Variants in CLU observed in about 807,000 individuals in gnomAD.
CLU encodes the protein aging-associated protein 4.
In CLU, 25 loss-of-function variants were observed where a neutral mutation model predicts 46.4. The ratio of observed to expected loss-of-function variants is 0.54; its 90% confidence interval spans 0.39 to 0.75. The LOEUF (loss-of-function observed/expected upper bound fraction) is 0.75, where lower values mean the gene tolerates loss of function less well. Ranked by LOEUF, CLU falls within the 30% of genes least tolerant of loss-of-function variation. The pLI, the probability that CLU is intolerant of heterozygous loss-of-function variation, is 0.00. For missense variants in CLU, 504 were observed against 592.1 expected, an observed-to-expected ratio of 0.85 and a Z score of 1.54; for synonymous variants, 235 against 235.1, an observed-to-expected ratio of 1.00 and a Z score of 0.00.
intron 8 of CLU, 99 bp from the exon 9 acceptor site, chr8:27,598,349 C>T (rs910162613): frequency 3.8e-5 from 61 of 1,593,044 alleles, no homozygotes; most frequent in Non-Finnish European, 4.8e-5. Context: ...GCTCTGGCTC[C>T]GGGCGGAGTC....
rs1376680282 is a variant in CLU at position 27,600,049 on chromosome 8, G to A, written c.935-40C>T. 14 of 1,491,836 alleles carry A rather than the reference G, an allele frequency of 9.4e-6. No individual in the cohort carries two copies. In the Admixed American group the frequency reaches 2.3e-4, roughly 25 times the overall value. The allele number at this position is 1,491,836 out of a possible 1,614,324, so 92.4% of individuals were successfully genotyped here. ...AAGAAACGCAAGTGAGAAGTGTGAA[G>A]GGAAGGCTACAAAGGGATAGAACCA... On this transcript the variant is annotated intron_variant, in intron 6 of 8. Transcript: ENST00000316403.
At chr8:27,601,111 C>T (rs940957219) in intron 6 of CLU, among the ~76,000 whole-genome samples, 4 of 152,164 alleles carry the variant, frequency 2.6e-5, no homozygotes, top group African/African-American at 9.7e-5. Flanking sequence ...TGCAATGGCG[C>T]GAGCTCAGCT....
intron 6 of CLU, among the ~76,000 whole-genome samples, chr8:27,601,810 A>G (rs1368852389): frequency 8.9e-6 from 1 of 112,886 alleles, no homozygotes; most frequent in Non-Finnish European, 1.9e-5. Flanking sequence ...AAATTTAAAA[A>G]TAAGAAAAAC....
rs1207400540 is a variant in CLU, at chr8:27,599,839, C to T, written c.1105G>A (p.Val369Met). Residue 369 changes from valine (V) to methionine (M), a missense_variant, in exon 7 of 9, where the codon GTG (valine) becomes ATG (methionine). Coordinates refer to ENST00000316403, the MANE Select transcript of CLU (RefSeq NM_001831.4). The surrounding 1 kb of genome is among the most constrained non-coding windows in gnomAD (Gnocchi z 4.0). The part of the protein sequence containing the change: ...LEQLNEQFNW[V>M]SRLANLTQGE... ...TGCGTGAGGTTTGCCAGCCGGGACA[C>T]CCAGTTAAACTGCTCGTTCAGCTGC... is the stretch of plus-strand genomic sequence containing the variant. 6.2e-7 allele frequency: 1 copy of T among 1,613,986 alleles called. No homozygotes were observed. Among genetic ancestry groups the T allele is most frequent in the Non-Finnish European group, 8.5e-7 (1 of 1,180,010 alleles).
At position 27,598,123 on chromosome 8, in the gene CLU, C is replaced by A; in HGVS notation, c.*118G>T. 3 of 999,304 alleles carry A rather than the reference C, an allele frequency of 3.0e-6. No homozygotes were observed. Among genetic ancestry groups the A allele is most frequent in the East Asian group, 5.1e-5 (2 of 39,594 alleles). 61.9% of individuals were successfully genotyped at this position (999,304 alleles called of 1,614,324 possible). On this transcript the variant is annotated 3_prime_UTR_variant, in exon 9 of 9. Coordinates refer to ENST00000316403, the MANE Select transcript of CLU (RefSeq NM_001831.4). The stretch of plus-strand genomic sequence containing the variant: ...GGAGAGGCTGGGCGGAGTTGGGGGC[C>A]TGGAGGCTGGGGCCTGGTTACTTGG...
chr8:27,603,555 A>G (rs1251241290), intron 6 of CLU, among the ~76,000 whole-genome samples: 2 of 152,246 alleles, frequency 1.3e-5, no homozygotes. Context: ...TCTAAGTGGA[A>G]AGAAGTTAAC....
At position 27,597,092 on chromosome 8, in the gene CLU, A is replaced by T. The variant is rs767125723; in HGVS notation, c.*1149T>A. The T allele has an allele frequency of 1.3e-5, 6 of 454,042 alleles. No individual in the cohort carries two copies. The highest frequency in any genetic ancestry group is 2.2e-5 in the Non-Finnish European group (5 of 226,806). The allele number at this position is 454,042 out of a possible 1,614,324, so 28.1% of individuals were successfully genotyped here. A position where few individuals can be genotyped will look rare whatever the true frequency, so the allele number is the denominator to read the frequency against. ...CCATGCTAAAATACTTACCTTGGAC[A>T]TAAGCTAAGCTTTAAGTTTGTTGTT... On this transcript the variant is annotated 3_prime_UTR_variant, in exon 9 of 9. Coordinates refer to ENST00000316403, the MANE Select transcript of CLU (RefSeq NM_001831.4).
intron 1 of CLU, chr8:27,611,005 G>C (rs1378051549): frequency 8.2e-6 from 3 of 365,786 alleles, no homozygotes; most frequent in African/African-American, 2.1e-5. Context: ...TCATGCATCC[G>C]TCCCTCCCCA....
chr8:27,607,446 CAAAA>C (rs780505916), intron 3 of CLU, among the ~76,000 whole-genome samples: 1 of 136,494 alleles, frequency 7.3e-6, no homozygotes. Flanking sequence ...TAGCTTATGG[CAAAA>C]AAAAAAAAAT....
At chr8:27,611,539 A>G in intron 1 of CLU, 1 of 456,716 alleles carries the variant, frequency 2.2e-6, no homozygotes, top group South Asian at 1.6e-5. Flanking sequence ...TAAAACAGAA[A>G]CCCCTCCCCC....
At chr8:27,611,967 C>T (rs1367571715) in intron 1 of CLU, 2 of 359,686 alleles carry the variant, frequency 5.6e-6, no homozygotes, top group African/African-American at 4.3e-5. Context: ...CCCCTGAAAG[C>T]AACAACTTCT....
At position 27,597,679 on chromosome 8, in the gene CLU, G is replaced by A. The variant is rs1398064217; in HGVS notation, c.*562C>T. 16 of 453,942 alleles carry A rather than the reference G, an allele frequency of 3.5e-5. No individual in the cohort carries two copies. In the East Asian group the frequency reaches 4.2e-4, roughly 12 times the overall value. 28.1% of individuals were successfully genotyped at this position (453,942 alleles called of 1,614,324 possible). On this transcript the variant is annotated 3_prime_UTR_variant, in exon 9 of 9. Coordinates refer to ENST00000316403, the MANE Select transcript of CLU (RefSeq NM_001831.4). ...CAGTGTATTCCTTTAGGAGATTGTC[G>A]CACCTTGGTCAGAATACATCGACAG...
Position 27,604,361 on chromosome 8 carries a change from G to T in CLU, c.864C>A (p.Ile288=). 6.2e-7 allele frequency: 1 copy of T among 1,614,212 alleles called. No homozygotes were observed. Among genetic ancestry groups the T allele is most frequent in the Non-Finnish European group, 8.5e-7 (1 of 1,180,036 alleles). The change falls in exon 6 of 9, where the codon ATC becomes ATA. Residue 288 remains isoleucine (I), a synonymous_variant. Transcript: ENST00000316403. ...GDDDRTVCRE[I]RHNSTGCLRM... ...GCAGGCAGCCCGTGGAGTTGTGGCGGATCTCCCGGCACACAGTCCGGTCAT... is the reference window on the plus strand; with the variant it reads ...GCAGGCAGCCCGTGGAGTTGTGGCGTATCTCCCGGCACACAGTCCGGTCAT...
At chr8:27,609,207 C>A in intron 2 of CLU, 121 bp from the exon 3 acceptor site, 1 of 1,059,100 alleles carries the variant, frequency 9.4e-7, no homozygotes, top group South Asian at 1.3e-5. Context: ...CTGGGACCCC[C>A]ACTCCTGCCA....
intron 4 of CLU, among the ~76,000 whole-genome samples, 192 bp downstream of exon 4, chr8:27,606,162 G>C (rs902695196): frequency 2.0e-5 from 3 of 152,222 alleles, no homozygotes; most frequent in Admixed American, 2.0e-4. Context: ...AGAGAAGGCA[G>C]ATACCTGGCC....
chr8:27,603,031 C>T (rs181094941), intron 6 of CLU, among the ~76,000 whole-genome samples: 60 of 152,302 alleles, frequency 3.9e-4, no homozygotes, highest in Middle Eastern at 6.8e-3. Context: ...AGCCACTGTA[C>T]GCCAGCTATA....
At chr8:27,600,867 T>C (rs1800707381) in intron 6 of CLU, among the ~76,000 whole-genome samples, 1 of 152,216 alleles carries the variant, frequency 6.6e-6, no homozygotes, top group Non-Finnish European at 1.5e-5. Context: ...ACTTAAGTCC[T>C]AATTTTACCA....
chr8:27,605,223 T>C lies in CLU; in HGVS notation c.530A>G (p.Gln177Arg). 1 of 1,614,192 alleles carries C rather than the reference T, an allele frequency of 6.2e-7. No homozygotes were observed. Among genetic ancestry groups the C allele is most frequent in the Non-Finnish European group, 8.5e-7 (1 of 1,180,022 alleles). The change falls in exon 5 of 9, where the codon CAG (glutamine) becomes CGG (arginine). Residue 177 changes from glutamine (Q) to arginine (R), a missense_variant. By Grantham distance (43) the Gln-to-Arg change is conservative. This residue lies in a region of CLU where 428 missense variants were observed against 484.0 expected (regional missense o/e 0.88). Coordinates refer to ENST00000316403, the MANE Select transcript of CLU (RefSeq NM_001831.4). ...RQQTHMLDVM[Q>R]DHFSRASSII... is the part of the protein sequence containing the mutation. ...GCTGGACGCGCGGCTGAAGTGGTCC[T>C]GCATGACATCCAGCATGTGCGTCTG... is the stretch of plus-strand genomic sequence containing the variant.
chr8:27,606,055 T>C (rs1307486375), intron 4 of CLU, among the ~76,000 whole-genome samples: 1 of 150,990 alleles, frequency 6.6e-6, no homozygotes, highest in African/African-American at 2.4e-5. Context: ...AAAAAAAAAA[T>C]TCTTAAATCC....
Sources: gnomAD v4.1 joint callset for allele counts (sites outside exome capture counted in the v4.1 genomes callset) on GRCh38, gnomAD v4.1.1 for gene constraint, gnomAD v4.1.1 regional missense constraint, Gnocchi (gnomAD v3.1) non-coding constraint, MANE v1.5 for transcripts, NCBI Gene and HGNC (gene_info 2026-07-23, HGNC 2026-07-21) for gene names.